The following CEP57L1 variants were observed in gnomAD, a reference collection of about 807,000 sequenced individuals.
The protein encoded by CEP57L1 is centrosomal protein CEP57L1.
A neutral mutation model predicts 61.0 loss-of-function variants in CEP57L1; 37 were observed. The ratio of observed to expected loss-of-function variants is 0.61; its 90% confidence interval spans 0.47 to 0.80. The LOEUF (loss-of-function observed/expected upper bound fraction) is 0.80, where lower values mean the gene tolerates loss of function less well. CEP57L1 is among the 30% of genes least tolerant of loss of function. The pLI is 0.00. For missense variants in CEP57L1, 422 were observed against 524.7 expected, an observed-to-expected ratio of 0.80 and a Z score of 1.91; for synonymous variants, 137 against 162.3, an observed-to-expected ratio of 0.84 and a Z score of 1.19.
In CEP57L1 at chr6:109,163,949, G is replaced by A. The variant is rs1326915388; in HGVS notation, c.*979G>A. ...CTAGTACAACTCTTCTGAACTCTTG[G>A]TTTCTCACTCAAATCCTCTGAGGCA... On this transcript the variant is annotated 3_prime_UTR_variant, in exon 11 of 11. Coordinates refer to ENST00000517392, the MANE Select transcript of CEP57L1 (RefSeq NM_001271852.3). 1 of 152,058 alleles carries A rather than the reference G, an allele frequency of 6.6e-6. No homozygotes were observed. The highest frequency in any genetic ancestry group is 2.4e-5 in the African/African-American group (1 of 41,368). The allele number at this position is 152,058 out of a possible 1,614,324, so 9.4% of individuals were successfully genotyped here.
At position 109,168,253 on chromosome 6, in the gene CEP57L1, G is replaced by T. The variant is rs1021232423; in HGVS notation, c.*5283G>T. ...CCAGTTCCTTTAGTAATTTCAAAATGCCGGCCATAGCCAGTCTATAATCCA... is the reference window on the plus strand; with the variant it reads ...CCAGTTCCTTTAGTAATTTCAAAATTCCGGCCATAGCCAGTCTATAATCCA... On this transcript the variant is annotated 3_prime_UTR_variant, in exon 11 of 11. Transcript: ENST00000517392. 2.7e-4 allele frequency among the ~76,000 whole-genome samples: 41 copies of T among 152,186 alleles called. No homozygotes were observed. Among genetic ancestry groups the T allele is most frequent in the African/African-American group, 9.2e-4 (38 of 41,446 alleles).
chr6:109,120,479 C>T (rs1021223663), intron 1 of CEP57L1, among the ~76,000 whole-genome samples: 6 of 152,080 alleles, frequency 3.9e-5, no homozygotes, highest in Non-Finnish European at 8.8e-5. Context: ...TGATTATCTT[C>T]AGAGAGGGGA....
chr6:109,095,391 C>G (rs187624953), upstream of CEP57L1: 115 of 985,922 alleles, frequency 1.2e-4, no homozygotes, highest in African/African-American at 1.8e-3. Context: ...TTCATTACTC[C>G]AAACCCCAGA....
At chr6:109,144,485 A>G (rs1259039299) in intron 1 of CEP57L1, among the ~76,000 whole-genome samples, 2 of 152,138 alleles carry the variant, frequency 1.3e-5, no homozygotes, top group Admixed American at 6.6e-5. Flanking sequence ...AATAGAATAC[A>G]TTTCTAAAAT....
rs1205333033 is a variant in CEP57L1, at chr6:109,150,117, G to A, written c.341-1G>A. The stretch of plus-strand genomic sequence containing the variant: ...CTAATTGAATACCCTTTATTTCATA[G>A]ATATAAGTATACAGTTAAGCTCAGC... On this transcript the variant is annotated splice_acceptor_variant, in intron 3 of 10. Coordinates refer to ENST00000517392, the MANE Select transcript of CEP57L1 (RefSeq NM_001271852.3). LOFTEE classifies it high-confidence loss of function. The A allele has an allele frequency of 6.4e-7, 1 of 1,572,192 alleles. No homozygotes were observed. The highest frequency in any genetic ancestry group is 1.4e-5 in the African/African-American group (1 of 73,664).
intron 1 of CEP57L1, among the ~76,000 whole-genome samples, chr6:109,097,708 T>C (rs531811733): frequency 6.6e-6 from 1 of 151,828 alleles, no homozygotes; most frequent in South Asian, 2.1e-4. Flanking sequence ...ACAAATGCAG[T>C]GGAGAATAAA....
intron 1 of CEP57L1, among the ~76,000 whole-genome samples, chr6:109,103,034 A>G (rs1177722150): frequency 1.3e-5 from 2 of 152,152 alleles, no homozygotes; most frequent in South Asian, 2.1e-4. Context: ...TTACTTGTCT[A>G]CATTGCTGGT....
chr6:109,098,142 C>T (rs776454593), intron 1 of CEP57L1, among the ~76,000 whole-genome samples: 1 of 152,124 alleles, frequency 6.6e-6, no homozygotes, highest in Non-Finnish European at 1.5e-5. Flanking sequence ...CTCTCTTTCT[C>T]TCTCTCTCTC....
chr6:109,163,066 A>C lies in CEP57L1; in HGVS notation c.*96A>C, dbSNP rs1773864846. On this transcript the variant is annotated 3_prime_UTR_variant, in exon 11 of 11. Transcript: ENST00000517392. The stretch of plus-strand genomic sequence containing the variant: ...TTAATATAACTTTGTGACATTTTGA[A>C]TCATGTTTCTAGTTTCTATAAAACA... 9 of 774,828 alleles carry C rather than the reference A, an allele frequency of 1.2e-5. No homozygotes were observed. In the East Asian group the frequency reaches 2.4e-4, roughly 21 times the overall value. The allele number at this position is 774,828 out of a possible 1,614,324, so 48.0% of individuals were successfully genotyped here. A position where few individuals can be genotyped will look rare whatever the true frequency, so the allele number is the denominator to read the frequency against.
chr6:109,146,692 T>C, intron 2 of CEP57L1, 66 bp from the exon 3 acceptor site: 1 of 1,072,912 alleles, frequency 9.3e-7, no homozygotes, highest in Non-Finnish European at 1.3e-6. Flanking sequence ...ATTTTTCTTA[T>C]GTTACTTTGA....
At chr6:109,116,694 T>C (rs1772352988) in intron 1 of CEP57L1, among the ~76,000 whole-genome samples, 1 of 151,252 alleles carries the variant, frequency 6.6e-6, no homozygotes. Context: ...CCTTCAGGAG[T>C]TTTTTCTAAG....
In CEP57L1 at chr6:109,150,148, C is replaced by G. The variant is rs145300732; in HGVS notation, c.371C>G (p.Ser124Cys). ...DISIQLSSAQSRCTLLEKQLE... is the reference protein window; with the variant it reads ...DISIQLSSAQCRCTLLEKQLE... ...AGTATACAGTTAAGCTCAGCCCAGT[C>G]TCGTTGTACTCTTCTAGAGAAGCAA... The change falls in exon 4 of 11, where the codon TCT (serine) becomes TGT (cysteine). Residue 124 changes from serine (S) to cysteine (C), a missense_variant. Physicochemically the swap from Ser to Cys is moderately radical, Grantham distance 112. Transcript: ENST00000517392. 4.1e-4 allele frequency: 655 copies of G among 1,608,858 alleles called. 3 individuals carry two copies. The African/African-American group carries it at 7.7e-3, about 19-fold the overall frequency.
chr6:109,168,080 G>A lies in CEP57L1; in HGVS notation c.*5110G>A, dbSNP rs142997737. 1.3e-3 allele frequency among the ~76,000 whole-genome samples: 197 copies of A among 152,290 alleles called. No individual in the cohort carries two copies. The highest frequency in any genetic ancestry group is 4.3e-3 in the African/African-American group (179 of 41,550). ...TACTAAATGTTTGTTCTCATCTATC[G>A]ATAAAGTGCTTAAGAAGTTGGCCTG... is the stretch of plus-strand genomic sequence containing the variant. On this transcript the variant is annotated 3_prime_UTR_variant, in exon 11 of 11. Coordinates refer to ENST00000517392, the MANE Select transcript of CEP57L1 (RefSeq NM_001271852.3).
At position 109,146,778 on chromosome 6, in the gene CEP57L1, ACT is replaced by A. The variant is rs765574866; in HGVS notation, c.184_185del (p.Leu62SerfsTer15). 1.3e-6 allele frequency: 2 copies of A among 1,575,014 alleles called. No homozygotes were observed. The highest frequency in any genetic ancestry group is 2.4e-5 in the South Asian group (2 of 83,388). ...NSQALILALKTLQEKIHRLEL... is the reference protein window; with the variant it reads ...NSQALILALKXLQEKIHRLEL... ...AACAGCTCTTATTTTAGCCTTAAAAACTCTTCAGGAAAAAATTCATCGTTTAG... is the reference window on the plus strand; with the variant it reads ...AACAGCTCTTATTTTAGCCTTAAAAACTTCAGGAAAAAATTCATCGTTTAG... On this transcript the variant is annotated frameshift_variant, in exon 3 of 11. Coordinates refer to ENST00000517392, the MANE Select transcript of CEP57L1 (RefSeq NM_001271852.3). LOFTEE classifies it high-confidence loss of function.
At chr6:109,142,741 CT>C (rs1331436634) in intron 1 of CEP57L1, among the ~76,000 whole-genome samples, 6 of 152,040 alleles carry the variant, frequency 3.9e-5, no homozygotes, top group African/African-American at 1.4e-4. Flanking sequence ...TTCCTGAGGT[CT>C]TTTCAGTTAC....
At position 109,173,428 on chromosome 6, in the gene CEP57L1, T is replaced by C. The variant is rs924047914; in HGVS notation, c.*10458T>C. On this transcript the variant is annotated 3_prime_UTR_variant, in exon 11 of 11. Coordinates refer to ENST00000517392, the MANE Select transcript of CEP57L1 (RefSeq NM_001271852.3). ...CTCAGCCCGCCCCCTACCTTTCTTTTTTTTTTTTTTTTCTTTTCAGGGTCT... is the reference window on the plus strand; with the variant it reads ...CTCAGCCCGCCCCCTACCTTTCTTTCTTTTTTTTTTTTCTTTTCAGGGTCT... Among the ~76,000 whole-genome samples, 2 of 148,844 alleles carry C rather than the reference T, an allele frequency of 1.3e-5. No homozygotes were observed. The highest frequency in any genetic ancestry group is 2.5e-5 in the African/African-American group (1 of 40,538).
chr6:109,117,102 A>G (rs1772393982), intron 1 of CEP57L1, among the ~76,000 whole-genome samples: 1 of 152,198 alleles, frequency 6.6e-6, no homozygotes, highest in African/African-American at 2.4e-5. Flanking sequence ...AAAATTTTGT[A>G]GAATGAACAT....
intron 1 of CEP57L1, among the ~76,000 whole-genome samples, chr6:109,103,391 T>C (rs984174691): frequency 2.6e-5 from 4 of 152,170 alleles, no homozygotes; most frequent in Non-Finnish European, 5.9e-5. Context: ...TTAATTTGAA[T>C]CTGTATATTT....
intron 1 of CEP57L1, among the ~76,000 whole-genome samples, chr6:109,103,044 T>G (rs2114569238): frequency 6.6e-6 from 1 of 152,298 alleles, no homozygotes; most frequent in East Asian, 1.9e-4. Context: ...ACATTGCTGG[T>G]TTTTGTTTTT....
Sources: gnomAD v4.1 joint callset for allele counts (sites outside exome capture counted in the v4.1 genomes callset) on GRCh38, gnomAD v4.1.1 for gene constraint, MANE v1.5 for transcripts, NCBI Gene and HGNC (gene_info 2026-07-23, HGNC 2026-07-21) for gene names.